Variants in AFAP1 observed in about 807,000 individuals in gnomAD.
AFAP1 encodes the protein actin filament associated protein 1.
In AFAP1, 75 loss-of-function variants were observed where a neutral mutation model predicts 93.9. That is an observed-to-expected ratio of 0.80 (90% CI 0.66 to 0.97). The LOEUF (loss-of-function observed/expected upper bound fraction) is 0.97, where lower values mean the gene tolerates loss of function less well. AFAP1 is among the 50% of genes least tolerant of loss of function. The pLI, the probability that AFAP1 is intolerant of heterozygous loss-of-function variation, is 0.00. For missense variants in AFAP1, 1,201 were observed against 1,050.8 expected (o/e 1.14, Z -1.98); for synonymous variants, 517 against 430.7 (o/e 1.20, Z -2.48).
chr4:7,884,325 C>T (rs1161291629), intron 1 of AFAP1, among the ~76,000 whole-genome samples: 1 of 152,114 alleles, frequency 6.6e-6, no homozygotes, highest in East Asian at 1.9e-4. Flanking sequence ...GCAAGATAGG[C>T]CTAACCCGTA....
chr4:7,838,743 G>C, intron 5 of AFAP1, 40 bp from the exon 6 acceptor site: 1 of 1,596,838 alleles, frequency 6.3e-7, no homozygotes, highest in Non-Finnish European at 8.6e-7. Context: ...TTATAAGGGA[G>C]TTCGAACAGA....
intron 1 of AFAP1, among the ~76,000 whole-genome samples, chr4:7,902,827 G>C (rs1425286559): frequency 6.6e-6 from 1 of 152,154 alleles, no homozygotes; most frequent in Non-Finnish European, 1.5e-5. Flanking sequence ...GCGCTCCTGG[G>C]CCTCAGCCTT....
intron 1 of AFAP1, among the ~76,000 whole-genome samples, chr4:7,889,868 G>A (rs1040340251): frequency 2.0e-5 from 3 of 151,430 alleles, no homozygotes; most frequent in African/African-American, 7.3e-5. Context: ...ACCAGTCTAT[G>A]TCTGGTGGGA....
rs1477930170 is a variant in AFAP1, at chr4:7,855,558, G to A, written c.242C>T (p.Pro81Leu). 2.5e-6 allele frequency: 4 copies of A among 1,613,534 alleles called. No individual in the cohort carries two copies. The Admixed American group carries it at 5.0e-5, about 20-fold the overall frequency. ...GAGGGAGGATGTTGGCAATGGTGGAGGCCCACTGTCAGGAGGCTGAGGAAG... is the reference window on the plus strand; with the variant it reads ...GAGGGAGGATGTTGGCAATGGTGGAAGCCCACTGTCAGGAGGCTGAGGAAG... The part of the protein sequence containing the change: ...PQPWLPPDSG[P>L]PPLPTSSLPE... The change falls in exon 4 of 18, where the codon CCT becomes CTT. Residue 81 changes from proline (P) to leucine (L), a missense_variant. Physicochemically the swap from Pro to Leu is moderately conservative, Grantham distance 98. Coordinates refer to ENST00000420658, the MANE Select transcript of AFAP1 (RefSeq NM_001134647.2).
intron 9 of AFAP1, among the ~76,000 whole-genome samples, chr4:7,803,958 G>GC (rs1297615577): frequency 1.3e-5 from 2 of 151,948 alleles, no homozygotes; most frequent in Non-Finnish European, 2.9e-5. Context: ...ACCCCATCCA[G>GC]CCCCCTGCCA....
At chr4:7,897,356 G>A (rs1577343134) in intron 1 of AFAP1, among the ~76,000 whole-genome samples, 1 of 152,162 alleles carries the variant, frequency 6.6e-6, no homozygotes, top group Admixed American at 6.5e-5. Flanking sequence ...CCATATAAAT[G>A]AGCTGAACAC....
chr4:7,768,506 C>T lies in AFAP1; in HGVS notation c.2418+338G>A, dbSNP rs1030524325. Among the ~76,000 whole-genome samples, 5 of 152,228 alleles carry T rather than the reference C, an allele frequency of 3.3e-5. No individual in the cohort carries two copies. In the East Asian group the frequency reaches 7.7e-4, roughly 24 times the overall value. On this transcript the variant is annotated intron_variant, in intron 17 of 17. Coordinates refer to ENST00000420658, the MANE Select transcript of AFAP1 (RefSeq NM_001134647.2). The stretch of plus-strand genomic sequence containing the variant: ...ATCTGAGTGCTGAAGAGGACTTCAG[C>T]GGTCTCCTGGTCTAATCTCCACCGC...
At chr4:7,797,243 G>C (rs1718515996) in intron 10 of AFAP1, among the ~76,000 whole-genome samples, 1 of 152,158 alleles carries the variant, frequency 6.6e-6, no homozygotes, top group African/African-American at 2.4e-5. Context: ...ATTGTTACAG[G>C]CAAAGAGTCA....
intron 14 of AFAP1, 72 bp downstream of exon 14, chr4:7,778,690 C>A: frequency 2.8e-6 from 4 of 1,450,208 alleles, no homozygotes; most frequent in Non-Finnish European, 3.9e-6. Context: ...CACGGGTGGG[C>A]AGGCTCAGAC....
rs1721632072 is a variant in AFAP1, at chr4:7,939,755, G to GA, written c.-103dup. On this transcript the variant is annotated 5_prime_UTR_variant, in exon 1 of 18. Transcript: ENST00000420658. This position sits in a 1 kb window ranked among gnomAD's most constrained non-coding sequence, Gnocchi z 5.6. ...CAGAGCCGCAGCCGCCTTAACAATG[G>GA]AGCCCCGGGGCGGGGCCGCCGCCGC... 2.5e-6 allele frequency: 1 copy of GA among 403,614 alleles called. No individual in the cohort carries two copies. Among genetic ancestry groups the GA allele is most frequent in the African/African-American group, 2.2e-5 (1 of 45,404 alleles). The allele number at this position is 403,614 out of a possible 1,614,324, so 25.0% of individuals were successfully genotyped here.
intron 13 of AFAP1, 145 bp downstream of exon 13, chr4:7,781,231 G>T (rs573407609): frequency 1.9e-6 from 2 of 1,051,978 alleles, no homozygotes; most frequent in Non-Finnish European, 2.7e-6. Context: ...TTGGTAGTCA[G>T]GCTGCAAATT....
In AFAP1 at chr4:7,807,430, ACAGCTG is replaced by A; in HGVS notation, c.1054+2178_1054+2183del. Among the ~76,000 whole-genome samples, 3 of 152,302 alleles carry A rather than the reference ACAGCTG, an allele frequency of 2.0e-5. No homozygotes were observed. The East Asian group carries it at 5.8e-4, about 29-fold the overall frequency. ...ACATTCACCCTCCCCATTCCGTGCT[ACAGCTG>A]TTTCCTCTGACAGCACTTCGGCAGG... is the stretch of plus-strand genomic sequence containing the variant. On this transcript the variant is annotated intron_variant, in intron 9 of 17. Coordinates refer to ENST00000420658, the MANE Select transcript of AFAP1 (RefSeq NM_001134647.2).
chr4:7,900,196 G>C (rs887075129), intron 1 of AFAP1, among the ~76,000 whole-genome samples: 2 of 152,118 alleles, frequency 1.3e-5, no homozygotes, highest in African/African-American at 2.4e-5. Context: ...AAAAATCTGC[G>C]ATCCTGCAAG....
At chr4:7,798,945 T>C in intron 10 of AFAP1, 2 of 987,028 alleles carry the variant, frequency 2.0e-6, no homozygotes, top group Non-Finnish European at 2.4e-6. Flanking sequence ...TTCTCAGATC[T>C]GCTGTCAGAG....
intron 11 of AFAP1, among the ~76,000 whole-genome samples, chr4:7,790,969 TG>T (rs1717812900): frequency 6.6e-6 from 1 of 152,212 alleles, no homozygotes; most frequent in African/African-American, 2.4e-5. Flanking sequence ...AGTCCTAAAA[TG>T]GGCCAAGTTA....
intron 1 of AFAP1, among the ~76,000 whole-genome samples, chr4:7,889,690 GT>G (rs377063737): frequency 0.044 from 4,764 of 107,152 alleles, 136 homozygotes; most frequent in African/African-American, 0.086. Context: ...TCAATGAAGC[GT>G]TTTTTTTTTT....
chr4:7,862,725 A>C (rs901404718), intron 3 of AFAP1, among the ~76,000 whole-genome samples: 3 of 152,196 alleles, frequency 2.0e-5, no homozygotes, highest in African/African-American at 7.2e-5. Flanking sequence ...CTATCCCTTG[A>C]AACATGATAT....
chr4:7,900,046 C>T (rs532456359), intron 1 of AFAP1, among the ~76,000 whole-genome samples: 4 of 152,144 alleles, frequency 2.6e-5, no homozygotes, highest in Non-Finnish European at 5.9e-5. Flanking sequence ...ATACCCCCAG[C>T]AACTCTGCAA....
intron 17 of AFAP1, among the ~76,000 whole-genome samples, chr4:7,766,629 A>C (rs1339163171): frequency 1.4e-5 from 2 of 147,356 alleles, no homozygotes; most frequent in Non-Finnish European, 3.1e-5. Context: ...TGACTGTGTC[A>C]CGAGAGGGTA....
Sources: allele counts gnomAD v4.1 joint callset (sites outside exome capture counted in the v4.1 genomes callset), GRCh38; gene constraint gnomAD v4.1.1; non-coding constraint Gnocchi (gnomAD v3.1); transcripts MANE v1.5; gene names NCBI Gene and HGNC (gene_info 2026-07-23, HGNC 2026-07-21).